Variants in ZNF841 observed in about 807,000 individuals in gnomAD.
ZNF841 encodes zinc finger protein 841, also known as TCONS_00006091.
Under a neutral mutation model 13.0 loss-of-function variants are expected in ZNF841, and 11 were observed. The ratio of observed to expected loss-of-function variants is 0.85; its 90% CI spans 0.53 to 1.40. The LOEUF is 1.40. ZNF841 is among the 40% of genes most tolerant of loss of function. The probability of loss-of-function intolerance (pLI) is 0.00; values close to 1 mark genes in which losing one functional copy is unlikely to be tolerated. For synonymous variants in ZNF841, 369 were observed against 381.6 expected, an observed-to-expected ratio of 0.97 and a Z score of 0.38; for missense variants, 1,068 against 1,139.5, an observed-to-expected ratio of 0.94 and a Z score of 0.90.
At chr19:52,090,705 A>AAGAAAGAG (rs1568549782) in intron 2 of ZNF841, among the ~76,000 whole-genome samples, 20 of 132,026 alleles carry the variant, frequency 1.5e-4, no homozygotes, top group African/African-American at 3.7e-4. Flanking sequence ...GAAAGAAAGA[A>AAGAAAGAG]AGAGAAAGAA....
intron 6 of ZNF841, 120 bp from the exon 7 acceptor site, chr19:52,067,730 C>T: frequency 1.6e-6 from 1 of 611,530 alleles, no homozygotes; most frequent in Non-Finnish European, 2.4e-6. Flanking sequence ...AACTTTTCTA[C>T]CATGATCTTC....
intron 6 of ZNF841, among the ~76,000 whole-genome samples, chr19:52,072,273 C>T (rs973134809): frequency 6.6e-6 from 1 of 152,004 alleles, no homozygotes; most frequent in Non-Finnish European, 1.5e-5. Context: ...ATAAATAGGA[C>T]AATCAGACAG....
At chr19:52,093,219 AAT>A (rs1238784653) in intron 2 of ZNF841, among the ~76,000 whole-genome samples, 2 of 152,232 alleles carry the variant, frequency 1.3e-5, no homozygotes, top group Non-Finnish European at 2.9e-5. Context: ...TCCATGAATA[AAT>A]ATGTGTGTAT....
At chr19:52,070,263 T>C (rs1036403837) in intron 6 of ZNF841, among the ~76,000 whole-genome samples, 18 of 152,176 alleles carry the variant, frequency 1.2e-4, no homozygotes, top group African/African-American at 4.1e-4. Flanking sequence ...TGCCACTATG[T>C]AACCCACATG....
In ZNF841 at chr19:52,065,436, T is replaced by G; in HGVS notation, c.2446A>C (p.Thr816Pro). The part of the protein sequence containing the change: ...SILLNHQMMH[T>P]GEKPYKCNEC... ...TTACATTTATAAGGTTTCTCTCCAG[T>G]ATGCATCATCTGATGATTAAGCAGA... The change falls in exon 7 of 7, where the codon ACT becomes CCT. Residue 816 changes from threonine (T) to proline (P), a missense_variant. By Grantham distance (38) the Thr-to-Pro change is conservative. Transcript: ENST00000594440. 6.2e-7 allele frequency: 1 copy of G among 1,613,986 alleles called. No homozygotes were observed. Among genetic ancestry groups the G allele is most frequent in the Non-Finnish European group, 8.5e-7 (1 of 1,179,962 alleles).
intron 2 of ZNF841, among the ~76,000 whole-genome samples, chr19:52,089,520 G>C (rs141084238): frequency 2.6e-5 from 4 of 151,926 alleles, no homozygotes; most frequent in African/African-American, 9.7e-5. Context: ...GGTGACACAC[G>C]CTTGTAGTTT....
chr19:52,075,262 CAG>C (rs758733519), intron 6 of ZNF841, among the ~76,000 whole-genome samples: 7 of 152,150 alleles, frequency 4.6e-5, no homozygotes, highest in Non-Finnish European at 1.5e-5. Context: ...ATAAACAAGA[CAG>C]AGAAAAACAC....
chr19:52,083,169 G>C (rs1257131962), intron 4 of ZNF841, among the ~76,000 whole-genome samples: 1 of 151,758 alleles, frequency 6.6e-6, no homozygotes, highest in South Asian at 2.1e-4. Flanking sequence ...TCATAATGAC[G>C]TGTAAATGCA....
chr19:52,079,431 T>TAAA (rs35306980), intron 4 of ZNF841, among the ~76,000 whole-genome samples: 31 of 83,176 alleles, frequency 3.7e-4, no homozygotes, highest in African/African-American at 1.1e-3. Flanking sequence ...AGGAAATCTG[T>TAAA]AAAAAAAAAA....
intron 3 of ZNF841, among the ~76,000 whole-genome samples, chr19:52,085,794 G>A (rs1019479886): frequency 2.0e-5 from 3 of 152,180 alleles, no homozygotes; most frequent in African/African-American, 7.2e-5. Context: ...GTTCTGGGGA[G>A]CAGATTAGGT....
intron 4 of ZNF841, among the ~76,000 whole-genome samples, chr19:52,079,453 A>G (rs10409103): frequency 6.9e-6 from 1 of 145,004 alleles, no homozygotes; most frequent in Admixed American, 6.9e-5. Context: ...AAAAAAAAAA[A>G]CCCAAAAACT....
downstream of ZNF841, chr19:52,064,388 A>AAAAAAAAAAAT (rs1491063355): frequency 6.8e-6 from 1 of 148,056 alleles, no homozygotes; most frequent in Non-Finnish European, 1.5e-5. Flanking sequence ...AAAAAAAAAA[A>AAAAAAAAAAAT]ACTTAGCTAT....
chr19:52,066,844 T>C lies in ZNF841; in HGVS notation c.1038A>G (p.Ile346Met). The C allele has an allele frequency of 8.1e-6, 13 of 1,614,200 alleles. No homozygotes were observed. The highest frequency in any genetic ancestry group is 1.1e-5 in the Non-Finnish European group (13 of 1,180,030). ...TAAAGGACTTGCCACATTCATTACATATGTAGGGTTTGTCTCCAGTGTGAC... is the reference window on the plus strand; with the variant it reads ...TAAAGGACTTGCCACATTCATTACACATGTAGGGTTTGTCTCCAGTGTGAC... ...RRSHTGDKPY[I>M]CNECGKSFSK... The change falls in exon 7 of 7, where the codon ATA (isoleucine) becomes ATG (methionine). Residue 346 changes from isoleucine (I) to methionine (M), a missense_variant. Ile to Met is a conservative substitution (Grantham distance 10). Transcript: ENST00000594440.
chr19:52,066,287 T>C lies in ZNF841; in HGVS notation c.1595A>G (p.Gln532Arg). ...FNWGSLLTVH[Q>R]RIHTGEKPYK... ...AGGTTTCTCTCCGGTATGAATTCTC[T>C]GATGTACAGTTAGTAATGAGCCCCA... The change falls in exon 7 of 7, where the codon CAG becomes CGG. Residue 532 changes from glutamine to arginine, a missense_variant. By Grantham distance (43) the Gln-to-Arg change is conservative. Coordinates refer to ENST00000594440, the MANE Select transcript of ZNF841 (RefSeq NM_001136499.2). 6.2e-7 allele frequency: 1 copy of C among 1,613,874 alleles called. No homozygotes were observed. The highest frequency in any genetic ancestry group is 8.5e-7 in the Non-Finnish European group (1 of 1,179,868).
intron 2 of ZNF841, among the ~76,000 whole-genome samples, 153 bp from the exon 3 acceptor site, chr19:52,089,155 C>T (rs888695950): frequency 6.6e-6 from 1 of 152,140 alleles, no homozygotes; most frequent in Non-Finnish European, 1.5e-5. Flanking sequence ...TACCTGTAGA[C>T]TCTAATATGA....
chr19:52,084,609 T>C (rs531637624), intron 4 of ZNF841, among the ~76,000 whole-genome samples, 178 bp downstream of exon 4: 1 of 152,262 alleles, frequency 6.6e-6, no homozygotes, highest in African/African-American at 2.4e-5. Flanking sequence ...CTCATGTCAC[T>C]GAGTCACTGT....
At chr19:52,087,556 T>C (rs2088316142) in intron 3 of ZNF841, among the ~76,000 whole-genome samples, 1 of 152,116 alleles carries the variant, frequency 6.6e-6, no homozygotes, top group South Asian at 2.1e-4. Flanking sequence ...TCATTGTTTT[T>C]TATGGGAAGG....
downstream of ZNF841, among the ~76,000 whole-genome samples, chr19:52,064,303 G>A (rs1003392747): frequency 4.7e-5 from 6 of 128,982 alleles, no homozygotes; most frequent in East Asian, 2.6e-4. Flanking sequence ...CCGAGATTGC[G>A]CCACTGCAGT....
intron 4 of ZNF841, among the ~76,000 whole-genome samples, chr19:52,080,513 C>T (rs1040982543): frequency 3.9e-5 from 6 of 152,204 alleles, no homozygotes; most frequent in Admixed American, 2.6e-4. Flanking sequence ...ATCTGTCCAA[C>T]TTCCTGACTT....
Sources: gnomAD v4.1 joint callset for allele counts (sites outside exome capture counted in the v4.1 genomes callset) on GRCh38, gnomAD v4.1.1 for gene constraint, MANE v1.5 for transcripts, NCBI Gene and HGNC (gene_info 2026-07-23, HGNC 2026-07-21) for gene names.